The following FBXW11 variants were observed in gnomAD, a reference collection of about 807,000 sequenced individuals.
FBXW11 encodes the protein F-box and WD repeat domain containing 11, also known as F-box/WD repeat-containing protein 11.
FBXW11 carries 19 observed loss-of-function variants against 77.6 expected under a neutral mutation model. The ratio of observed to expected loss-of-function variants is 0.24; its 90% CI spans 0.17 to 0.36. FBXW11 has a LOEUF of 0.36. FBXW11 is among the 10% of genes least tolerant of loss of function. FBXW11 has a pLI of 1.00. For missense variants in FBXW11, 334 were observed against 704.2 expected (o/e 0.47, Z 5.95); for synonymous variants, 235 against 249.4 (o/e 0.94, Z 0.54).
At chr5:171,977,184 T>TC (rs1412261851) in intron 1 of FBXW11, among the ~76,000 whole-genome samples, 4 of 150,348 alleles carry the variant, frequency 2.7e-5, no homozygotes, top group Non-Finnish European at 5.9e-5. Flanking sequence ...CACAGAAAAT[T>TC]TAAAAATTAG....
At chr5:171,878,594 G>GTA (rs1758282390) in intron 7 of FBXW11, among the ~76,000 whole-genome samples, 14 of 100,738 alleles carry the variant, frequency 1.4e-4, no homozygotes, top group African/African-American at 4.5e-4. Context: ...GTGTGTGTAA[G>GTA]AGAGAGAGAG....
At chr5:171,903,024 A>G (rs1427435917) in intron 4 of FBXW11, among the ~76,000 whole-genome samples, 1 of 152,178 alleles carries the variant, frequency 6.6e-6, no homozygotes, top group East Asian at 1.9e-4. Context: ...ATAGTTAATT[A>G]TTTTGTTTTC....
chr5:171,994,463 A>G (rs1230293594), intron 1 of FBXW11, among the ~76,000 whole-genome samples: 1 of 152,228 alleles, frequency 6.6e-6, no homozygotes, highest in African/African-American at 2.4e-5. Flanking sequence ...AGAAATGCTC[A>G]TTGAAACTTT....
intron 1 of FBXW11, among the ~76,000 whole-genome samples, chr5:171,969,194 G>A (rs1218802575): frequency 6.6e-6 from 1 of 152,204 alleles, no homozygotes; most frequent in Admixed American, 6.5e-5. Flanking sequence ...TGTGAACCCA[G>A]GAGGCAGAGG....
rs1226594450 is a variant in FBXW11 at position 171,876,897 on chromosome 5, A to G, written c.972-363T>C. On this transcript the variant is annotated intron_variant, in intron 8 of 13. Transcript: ENST00000517395. The surrounding 1 kb of genome is among the most constrained non-coding windows in gnomAD (Gnocchi z 4.2). Reference sequence around the variant, plus strand: ...TTTGCCTTCTGCCATGAGTAGAAGTAGCTCGAAGCCCTCATCAGAAGTAGA... The same window carrying G: ...TTTGCCTTCTGCCATGAGTAGAAGTGGCTCGAAGCCCTCATCAGAAGTAGA... Among the ~76,000 whole-genome samples the G allele has an allele frequency of 6.6e-6, 1 of 152,192 alleles. No homozygotes were observed. Among genetic ancestry groups the G allele is most frequent in the African/African-American group, 2.4e-5 (1 of 41,452 alleles).
chr5:171,907,120 G>A (rs915440367), intron 4 of FBXW11, among the ~76,000 whole-genome samples: 2 of 152,254 alleles, frequency 1.3e-5, no homozygotes, highest in African/African-American at 4.8e-5. Context: ...AATTGACATT[G>A]CAGACTAAAC....
Position 171,876,169 on chromosome 5 carries a change from AG to A in FBXW11, c.1221+115del. ...AGTGGGATGGCCTCAAGGGTTCATA[AG>A]CACAGAGGAGAATAAAGATCTTGCC... On this transcript the variant is annotated intron_variant, in intron 9 of 13. Coordinates refer to ENST00000517395, the MANE Select transcript of FBXW11 (RefSeq NM_001378974.1). This position sits in a 1 kb window ranked among gnomAD's most constrained non-coding sequence, Gnocchi z 4.2. The A allele has an allele frequency of 1.6e-6, 2 of 1,286,714 alleles. No homozygotes were observed. The highest frequency in any genetic ancestry group is 1.5e-5 in the African/African-American group (1 of 68,738). The allele number at this position is 1,286,714 out of a possible 1,614,324, so 79.7% of individuals were successfully genotyped here.
At chr5:171,891,720 GCA>G in intron 6 of FBXW11, 116 bp from the exon 7 acceptor site, 1 of 966,262 alleles carries the variant, frequency 1.0e-6, no homozygotes, top group Admixed American at 2.6e-5. Context: ...ATCTTGGTTT[GCA>G]TAACTGTCTG....
intron 2 of FBXW11, among the ~76,000 whole-genome samples, chr5:171,920,483 T>C (rs535253132): frequency 1.1e-3 from 169 of 151,052 alleles, no homozygotes; most frequent in African/African-American, 3.9e-3. Flanking sequence ...TCCCAGCACT[T>C]TGGAGGCCGA....
chr5:171,995,732 G>A (rs553958195), intron 1 of FBXW11, among the ~76,000 whole-genome samples: 8 of 151,486 alleles, frequency 5.3e-5, no homozygotes, highest in Non-Finnish European at 8.8e-5. Context: ...CAGCCTGGGC[G>A]ACAGAGCGAG....
chr5:171,875,988 T>A (rs1024496819), intron 9 of FBXW11, among the ~76,000 whole-genome samples: 1 of 152,182 alleles, frequency 6.6e-6, no homozygotes, highest in Non-Finnish European at 1.5e-5. Flanking sequence ...GAGACCATAA[T>A]GTAAAGCTCC....
At chr5:172,001,435 C>G (rs1210465094) in intron 1 of FBXW11, among the ~76,000 whole-genome samples, 1 of 152,172 alleles carries the variant, frequency 6.6e-6, no homozygotes, top group African/African-American at 2.4e-5. Context: ...TGAAAATGAT[C>G]ACCAGGAAAA....
At chr5:171,954,000 A>C (rs1046538436) in intron 2 of FBXW11, among the ~76,000 whole-genome samples, 1 of 152,188 alleles carries the variant, frequency 6.6e-6, no homozygotes, top group Non-Finnish European at 1.5e-5. Context: ...GCTTGGAAGG[A>C]GGCACTCAAA....
chr5:171,873,474 A>G (rs1757882231), intron 9 of FBXW11, among the ~76,000 whole-genome samples: 1 of 152,086 alleles, frequency 6.6e-6, no homozygotes. Context: ...GTGAAACCCC[A>G]TCTCTACAAA....
chr5:171,982,646 G>C (rs1765211512), intron 1 of FBXW11, among the ~76,000 whole-genome samples: 1 of 152,222 alleles, frequency 6.6e-6, no homozygotes, highest in African/African-American at 2.4e-5. Flanking sequence ...CTGGAGTACA[G>C]ACATTTAGAA....
At chr5:171,914,486 C>A in intron 2 of FBXW11, 81 bp from the exon 3 acceptor site, 1 of 1,244,412 alleles carries the variant, frequency 8.0e-7, no homozygotes, top group Non-Finnish European at 1.1e-6. Flanking sequence ...TTTTGAAAAC[C>A]CAAACTAGAG....
chr5:172,006,331 G>A (rs1304210037), intron 1 of FBXW11, 127 bp downstream of exon 1: 3 of 779,664 alleles, frequency 3.8e-6, no homozygotes, highest in South Asian at 5.5e-5. Flanking sequence ...GGGAAGGCTG[G>A]GGGCCCGGGT....
At chr5:171,888,896 G>A (rs749551534) in intron 7 of FBXW11, among the ~76,000 whole-genome samples, 1 of 152,146 alleles carries the variant, frequency 6.6e-6, no homozygotes, top group Admixed American at 6.5e-5. Context: ...CACTTGATGG[G>A]GCGGAGGGTA....
intron 1 of FBXW11, among the ~76,000 whole-genome samples, chr5:171,971,444 T>G (rs1043726070): frequency 6.6e-6 from 1 of 152,212 alleles, no homozygotes; most frequent in Non-Finnish European, 1.5e-5. Context: ...GTATGTAACT[T>G]TACCCCTGAC....
Sources: allele counts gnomAD v4.1 joint callset (sites outside exome capture counted in the v4.1 genomes callset), GRCh38; gene constraint gnomAD v4.1.1; non-coding constraint Gnocchi (gnomAD v3.1); transcripts MANE v1.5; gene names NCBI Gene and HGNC (gene_info 2026-07-23, HGNC 2026-07-21).